The following RUVBL1 variants were observed in gnomAD, a reference collection of about 807,000 sequenced individuals.
RUVBL1 encodes ruvB-like 1.
Under a neutral mutation model 52.4 loss-of-function variants are expected in RUVBL1, and 4 were observed. The ratio of observed to expected loss-of-function variants is 0.08; its 90% CI spans 0.04 to 0.17. The LOEUF (loss-of-function observed/expected upper bound fraction) is 0.17, where lower values mean the gene tolerates loss of function less well. RUVBL1 is among the 10% of genes least tolerant of loss of function. RUVBL1 has a pLI of 1.00. For synonymous variants in RUVBL1, 217 were observed against 214.4 expected, an observed-to-expected ratio of 1.01 and a Z score of -0.10; for missense variants, 298 against 572.8, an observed-to-expected ratio of 0.52 and a Z score of 4.90.
chr3:128,091,563 TGGAATCCAATACAGC>T (rs1942841527), intron 8 of RUVBL1, among the ~76,000 whole-genome samples: 1 of 152,186 alleles, frequency 6.6e-6, no homozygotes, highest in Non-Finnish European at 1.5e-5. Flanking sequence ...CAAATCTCCT[TGGAATCCAATACAGC>T]GTATCTATAA....
intron 9 of RUVBL1, chr3:128,066,772 A>C: frequency 1.7e-6 from 1 of 601,694 alleles, no homozygotes; most frequent in South Asian, 2.1e-5. Context: ...TGGATGTGCC[A>C]AGTGCAGGAG....
chr3:128,076,163 G>A (rs1033341946), downstream of RUVBL1: 4 of 152,374 alleles, frequency 2.6e-5, no homozygotes, highest in South Asian at 2.1e-4. This position sits in a 1 kb window ranked among gnomAD's most constrained non-coding sequence, Gnocchi z 6.8. Context: ...ATTCTGGAGG[G>A]GCAGTGCCTC....
intron 2 of RUVBL1, among the ~76,000 whole-genome samples, chr3:128,116,512 G>A: frequency 6.8e-6 from 1 of 147,418 alleles, no homozygotes; most frequent in East Asian, 2.0e-4. Flanking sequence ...CTGGGCAAGA[G>A]AGCGAGACTT....
At chr3:128,153,802 C>A in exon 1 of RUVBL1, 1 of 1,519,604 alleles carries the variant, frequency 6.6e-7, no homozygotes, top group Non-Finnish European at 8.8e-7. Flanking sequence ...GCACGCCTCC[C>A]TCATCCGGAC....
chr3:128,111,267 AC>A (rs1261845836), intron 3 of RUVBL1, among the ~76,000 whole-genome samples: 2 of 149,864 alleles, frequency 1.3e-5, no homozygotes, highest in African/African-American at 4.9e-5. Context: ...TTCAAAGTCT[AC>A]CCACTTCTCT....
chr3:128,065,263 G>A, intron 9 of RUVBL1: 1 of 624,686 alleles, frequency 1.6e-6, no homozygotes, highest in Non-Finnish European at 2.9e-6. Flanking sequence ...TAACGTAAGT[G>A]AAATCATGTT....
intron 2 of RUVBL1, among the ~76,000 whole-genome samples, chr3:128,113,672 T>C (rs184435975): frequency 6.6e-6 from 1 of 152,348 alleles, no homozygotes; most frequent in East Asian, 1.9e-4. Flanking sequence ...TTTTATTGTT[T>C]TTTTCCTGAG....
In RUVBL1 at chr3:128,119,402, T is replaced by C. The variant is rs1217727607; in HGVS notation, c.154A>G (p.Ile52Val). 1 of 1,613,406 alleles carries C rather than the reference T, an allele frequency of 6.2e-7. No individual in the cohort carries two copies. The highest frequency in any genetic ancestry group is 8.5e-7 in the Non-Finnish European group (1 of 1,179,500). The change falls in exon 2 of 11, where the codon ATA (isoleucine) becomes GTA (valine). Residue 52 changes from isoleucine to valine, a missense_variant. Transcript: ENST00000322623. ...TTCTTGCTTTTGATTAATTCTACTA[T>C]GACGCCACATGCCTACACACCACAA... ...QENAREACGV[I>V]VELIKSKKMA...
chr3:128,150,857 TTATATATTATATATATATATTCTATA>T (rs1291762662), intron 1 of RUVBL1, among the ~76,000 whole-genome samples: 1 of 81,444 alleles, frequency 1.2e-5, no homozygotes, highest in South Asian at 3.9e-4. Context: ...ATTCTATATA[TTATATATTATATATATATATTCTATA>T]TATATATTCT....
chr3:128,121,512 C>A (rs1324879210), intron 1 of RUVBL1, among the ~76,000 whole-genome samples: 2 of 151,318 alleles, frequency 1.3e-5, no homozygotes, highest in East Asian at 4.0e-4. Flanking sequence ...GAGTTCAAGA[C>A]CAGCCTGGTC....
chr3:128,133,298 C>T (rs575777236), intron 1 of RUVBL1, among the ~76,000 whole-genome samples: 2 of 152,306 alleles, frequency 1.3e-5, no homozygotes, highest in African/African-American at 4.8e-5. Flanking sequence ...TCTGGACCTG[C>T]CGTGGGCTGG....
At chr3:128,119,113 G>A (rs980411544) in intron 2 of RUVBL1, among the ~76,000 whole-genome samples, 1 of 152,138 alleles carries the variant, frequency 6.6e-6, no homozygotes, top group Non-Finnish European at 1.5e-5. Flanking sequence ...CCCCTTCAAG[G>A]ACTTCATTCT....
chr3:128,150,714 ATATATTATATATTCTATATATATTC>A lies in RUVBL1; in HGVS notation c.-40+2464_-40+2488del, dbSNP rs1944175507. Among the ~76,000 whole-genome samples the A allele has an allele frequency of 4.1e-5, 5 of 121,154 alleles. No homozygotes were observed. In the South Asian group the frequency reaches 9.6e-4, roughly 23 times the overall value. The allele number at this position is 121,154 out of a possible 152,430, so 79.5% of individuals were successfully genotyped here. On this transcript the variant is annotated intron_variant, in intron 1 of 9. Coordinates refer to the RUVBL1 transcript ENST00000464873. ...ATATTATATATTCTATATATATTCTATATATTATATATTCTATATATATTCTATATTATATATTCTCTATATATTC... is the reference window on the plus strand; with the variant it reads ...ATATTATATATTCTATATATATTCTATATATTATATATTCTCTATATATTC...
chr3:128,130,615 T>TTTTATTTA (rs1226390261), intron 1 of RUVBL1, among the ~76,000 whole-genome samples: 2 of 91,286 alleles, frequency 2.2e-5, no homozygotes, highest in African/African-American at 9.1e-5. Flanking sequence ...AAAAAAAAAA[T>TTTTATTTA]TTTATTTATT....
exon 10 of RUVBL1, chr3:128,064,847 C>T: frequency 1.3e-6 from 2 of 1,549,278 alleles, no homozygotes; most frequent in African/African-American, 1.4e-5. Flanking sequence ...CTGTTCGTTC[C>T]TTCATATATG....
At position 128,100,540 on chromosome 3, in the gene RUVBL1, C is replaced by CCA. The variant is rs1455267280; in HGVS notation, c.753+53_753+54dup. 3.3e-6 allele frequency: 5 copies of CCA among 1,533,876 alleles called. No individual in the cohort carries two copies. In the Admixed American group the frequency reaches 6.7e-5, roughly 21 times the overall value. ...ACTCTGACAATTCATTCCCAGATCTCCACACACATACAAAAGGGCTAATGT... is the reference window on the plus strand; with the variant it reads ...ACTCTGACAATTCATTCCCAGATCTCCACACACACATACAAAAGGGCTAATGT... On this transcript the variant is annotated intron_variant, in intron 6 of 10. Transcript: ENST00000322623.
chr3:128,081,467 TC>T lies in RUVBL1; in HGVS notation c.1212-59del, dbSNP rs937144063. On this transcript the variant is annotated intron_variant, in intron 10 of 10. Transcript: ENST00000322623. This position sits in a 1 kb window ranked among gnomAD's most constrained non-coding sequence, Gnocchi z 4.8. ...ACTGGGGCCACCGAAGAAAGCACCTTCCCCCCACATCAGTAGGCAGCACTGG... is the reference window on the plus strand; with the variant it reads ...ACTGGGGCCACCGAAGAAAGCACCTTCCCCCACATCAGTAGGCAGCACTGG... The T allele has an allele frequency of 6.5e-7, 1 of 1,543,412 alleles. No homozygotes were observed.
chr3:128,074,842 CAAAAAA>C (rs386397876), intron 9 of RUVBL1, among the ~76,000 whole-genome samples: 882 of 72,812 alleles, frequency 0.012, 7 homozygotes, highest in Middle Eastern at 0.021. Context: ...AACTCCGTCT[CAAAAAA>C]AAAAAAAAAA....
At chr3:128,098,827 G>T in intron 7 of RUVBL1, 55 bp downstream of exon 7, 1 of 1,485,874 alleles carries the variant, frequency 6.7e-7, no homozygotes, top group Non-Finnish European at 9.4e-7. Context: ...GAGCATCTCA[G>T]AATGTGGGGC....
Sources: gnomAD v4.1 joint callset for allele counts (sites outside exome capture counted in the v4.1 genomes callset) on GRCh38, gnomAD v4.1.1 for gene constraint, Gnocchi (gnomAD v3.1) non-coding constraint, MANE v1.5 for transcripts, NCBI Gene and HGNC (gene_info 2026-07-23, HGNC 2026-07-21) for gene names.